The following TCF7L2 variants were observed in gnomAD, a reference collection of about 807,000 sequenced individuals.
TCF7L2 encodes transcription factor 7-like 2.
Under a neutral mutation model 77.9 loss-of-function variants are expected in TCF7L2, and 23 were observed. The observed-to-expected ratio is 0.30, with a 90% confidence interval of 0.21 to 0.42. The LOEUF is 0.42. TCF7L2 is among the 10% of genes least tolerant of loss of function. TCF7L2 has a pLI of 1.00. For missense variants in TCF7L2, 654 were observed against 793.1 expected (o/e 0.82, Z 2.11); for synonymous variants, 413 against 340.2 (o/e 1.21, Z -2.36).
chr10:113,075,022 T>G (rs1256276034), intron 5 of TCF7L2, among the ~76,000 whole-genome samples: 1 of 152,220 alleles, frequency 6.6e-6, no homozygotes, highest in Admixed American at 6.5e-5. Context: ...TATTTATTTA[T>G]TTAGAGACAG....
chr10:112,965,619 GTGTGTGTATA>G (rs1412122002), intron 4 of TCF7L2, among the ~76,000 whole-genome samples: 6,343 of 119,540 alleles, frequency 0.053, 164 homozygotes, highest in South Asian at 0.15. Flanking sequence ...ACTTGTCTGT[GTGTGTGTATA>G]TGTGTGTGTG....
chr10:112,967,712 C>T (rs879718095), intron 4 of TCF7L2, among the ~76,000 whole-genome samples: 8 of 151,710 alleles, frequency 5.3e-5, no homozygotes, highest in Admixed American at 2.0e-4. Flanking sequence ...CTCGGCTCAC[C>T]GCAACCTCCG....
At chr10:112,983,567 A>G (rs1824766699) in intron 4 of TCF7L2, among the ~76,000 whole-genome samples, 1 of 152,152 alleles carries the variant, frequency 6.6e-6, no homozygotes, top group Admixed American at 6.5e-5. Context: ...GAACCTATTA[A>G]CACTCCTTTC....
At chr10:113,147,445 G>A (rs1160335316) in intron 8 of TCF7L2, among the ~76,000 whole-genome samples, 3 of 152,214 alleles carry the variant, frequency 2.0e-5, no homozygotes, top group African/African-American at 7.2e-5. Context: ...CATAGTTGAA[G>A]AGATCCATTT....
chr10:112,983,556 C>T (rs528547114), intron 4 of TCF7L2, among the ~76,000 whole-genome samples: 1 of 152,274 alleles, frequency 6.6e-6, no homozygotes, highest in South Asian at 2.1e-4. Context: ...TCCTGCCTTG[C>T]GAACCTATTA....
chr10:113,144,210 C>T (rs891175123), intron 7 of TCF7L2, among the ~76,000 whole-genome samples, 185 bp downstream of exon 7: 1 of 150,974 alleles, frequency 6.6e-6, no homozygotes, highest in Non-Finnish European at 1.5e-5. Context: ...GCTGAGGTGT[C>T]CTGTGGGAAT....
intron 5 of TCF7L2, chr10:113,130,037 G>C: frequency 8.5e-7 from 1 of 1,179,708 alleles, no homozygotes; most frequent in Non-Finnish European, 1.1e-6. Context: ...GTGTATGTTC[G>C]TGTCCATGCT....
At chr10:112,975,460 G>T (rs1313333198) in intron 4 of TCF7L2, among the ~76,000 whole-genome samples, 1 of 152,086 alleles carries the variant, frequency 6.6e-6, no homozygotes, top group South Asian at 2.1e-4. Flanking sequence ...GCATTGTAGG[G>T]TGTTTATTTT....
chr10:113,099,262 T>C (rs2061374344), intron 5 of TCF7L2, among the ~76,000 whole-genome samples: 1 of 152,224 alleles, frequency 6.6e-6, no homozygotes, highest in Non-Finnish European at 1.5e-5. Flanking sequence ...TGGAGTATTC[T>C]GCTTTGAATT....
At chr10:113,047,089 T>A (rs2053593027) in intron 5 of TCF7L2, among the ~76,000 whole-genome samples, 1 of 152,170 alleles carries the variant, frequency 6.6e-6, no homozygotes, top group Admixed American at 6.5e-5. Context: ...TTAGATTGTC[T>A]CCTTTTGTTT....
chr10:113,096,222 G>A (rs2060956196), intron 5 of TCF7L2, among the ~76,000 whole-genome samples: 1 of 152,170 alleles, frequency 6.6e-6, no homozygotes, highest in Non-Finnish European at 1.5e-5. Context: ...CGTCTCTGTT[G>A]ACGTACCTGT....
chr10:112,987,796 G>T, intron 4 of TCF7L2: 1 of 171,412 alleles, frequency 5.8e-6, no homozygotes, highest in South Asian at 1.4e-4. Flanking sequence ...GACCTCAGCT[G>T]GCATCATGGA....
At chr10:113,005,720 G>A (rs1271856249) in intron 4 of TCF7L2, among the ~76,000 whole-genome samples, 1 of 152,126 alleles carries the variant, frequency 6.6e-6, no homozygotes, top group Non-Finnish European at 1.5e-5. Context: ...GGGGGAGGAG[G>A]AAGTCATTCT....
chr10:113,011,445 A>G (rs1004631816), intron 4 of TCF7L2, among the ~76,000 whole-genome samples: 6 of 152,170 alleles, frequency 3.9e-5, no homozygotes, highest in African/African-American at 9.7e-5. Context: ...TCTGGTTAAA[A>G]TGTAGATTCT....
At chr10:113,116,396 TAATA>T (rs1459352225) in intron 5 of TCF7L2, among the ~76,000 whole-genome samples, 1 of 152,242 alleles carries the variant, frequency 6.6e-6, no homozygotes, top group East Asian at 1.9e-4. Flanking sequence ...TAGACCTAAT[TAATA>T]TTTTCCCTTG....
At chr10:113,026,355 T>G (rs1054832150) in intron 4 of TCF7L2, among the ~76,000 whole-genome samples, 3 of 151,194 alleles carry the variant, frequency 2.0e-5, no homozygotes, top group African/African-American at 7.3e-5. Flanking sequence ...GAGACAGAGT[T>G]TCAACAAGTT....
At chr10:113,036,488 C>G (rs2051277841) in intron 4 of TCF7L2, among the ~76,000 whole-genome samples, 1 of 152,082 alleles carries the variant, frequency 6.6e-6, no homozygotes, top group Admixed American at 6.5e-5. Context: ...TTTTCAGCTG[C>G]TTTGATTCCT....
chr10:113,157,899 T>G, intron 11 of TCF7L2, 122 bp from the exon 12 acceptor site: 2 of 1,009,836 alleles, frequency 2.0e-6, no homozygotes, highest in Non-Finnish European at 3.0e-6. Flanking sequence ...ATACCGGGGG[T>G]TTGTGTGGAT....
At chr10:113,153,949 C>T (rs959427773) in intron 11 of TCF7L2, among the ~76,000 whole-genome samples, 3 of 152,208 alleles carry the variant, frequency 2.0e-5, no homozygotes, top group Admixed American at 6.5e-5. Context: ...TGCCCCTGGC[C>T]ATCTTTCTCG....
Sources: allele counts gnomAD v4.1 joint callset (sites outside exome capture counted in the v4.1 genomes callset), GRCh38; gene constraint gnomAD v4.1.1; transcripts MANE v1.5; gene names NCBI Gene and HGNC (gene_info 2026-07-23, HGNC 2026-07-21).